The following TMEM132B variants were observed in gnomAD, a reference collection of about 807,000 sequenced individuals.
TMEM132B encodes transmembrane protein 132B.
Under a neutral mutation model 90.8 loss-of-function variants are expected in TMEM132B, and 18 were observed. The ratio of observed to expected loss-of-function variants is 0.20; its 90% CI spans 0.14 to 0.29. The LOEUF (loss-of-function observed/expected upper bound fraction) is 0.29. Ranked by LOEUF, TMEM132B falls within the 10% of genes least tolerant of loss-of-function variation. The pLI, the probability that TMEM132B is intolerant of heterozygous loss-of-function variation, is 1.00. For synonymous variants in TMEM132B, 504 were observed against 523.3 expected (o/e 0.96, Z 0.50); for missense variants, 1,096 against 1,326.8 (o/e 0.83, Z 2.70).
chr12:125,285,365 A>G (rs938274270), intron 1 of TMEM132B, among the ~76,000 whole-genome samples: 2 of 152,226 alleles, frequency 1.3e-5, no homozygotes, highest in African/African-American at 4.8e-5. Flanking sequence ...ACATAGCTAA[A>G]GGAACTACAG....
rs183740088 is a variant in TMEM132B at position 125,574,234 on chromosome 12, T to C, written c.1294-9617T>C. ...ATTCTTCTCTGTAAAGTGAAAGTAATAATAGAAGCAACCTCATTAATTAAT... is the reference window on the plus strand; with the variant it reads ...ATTCTTCTCTGTAAAGTGAAAGTAACAATAGAAGCAACCTCATTAATTAAT... On this transcript the variant is annotated intron_variant, in intron 4 of 8. Transcript: ENST00000682704. Among the ~76,000 whole-genome samples, 6 of 152,082 alleles carry C rather than the reference T, an allele frequency of 3.9e-5. No homozygotes were observed. The East Asian group carries it at 1.2e-3, about 29-fold the overall frequency.
intron 3 of TMEM132B, among the ~76,000 whole-genome samples, chr12:125,440,761 GTTTA>G (rs1282876111): frequency 1.3e-5 from 2 of 152,138 alleles, no homozygotes; most frequent in Non-Finnish European, 2.9e-5. Flanking sequence ...TTTTCTTTCA[GTTTA>G]TTTATTTTTA....
At chr12:125,267,639 G>A (rs779209056) in intron 1 of TMEM132B, among the ~76,000 whole-genome samples, 48 of 152,112 alleles carry the variant, frequency 3.2e-4, no homozygotes, top group Non-Finnish European at 4.7e-4. Context: ...ACTGAAACTC[G>A]CACTCATGGC....
intron 4 of TMEM132B, among the ~76,000 whole-genome samples, chr12:125,564,494 G>A (rs896550643): frequency 1.3e-5 from 2 of 152,150 alleles, no homozygotes; most frequent in African/African-American, 4.8e-5. Context: ...TTTCTCAGAA[G>A]GATGTGCAGG....
At chr12:125,195,716 C>T (rs1326660080) in intron 1 of TMEM132B, among the ~76,000 whole-genome samples, 2 of 151,974 alleles carry the variant, frequency 1.3e-5, no homozygotes, top group Non-Finnish European at 2.9e-5. Context: ...CAGTTTTATA[C>T]AGCAGAGTCA....
intron 1 of TMEM132B, among the ~76,000 whole-genome samples, chr12:125,312,694 A>C (rs572914130): frequency 6.6e-6 from 1 of 152,208 alleles, no homozygotes; most frequent in African/African-American, 2.4e-5. Flanking sequence ...TCTAAAATGT[A>C]CTCACCGTGA....
chr12:125,391,753 A>C (rs919962056), intron 2 of TMEM132B, among the ~76,000 whole-genome samples: 8 of 152,142 alleles, frequency 5.3e-5, no homozygotes, highest in Non-Finnish European at 1.2e-4. Context: ...CCTCCAGTTA[A>C]ATTAAATTAA....
At position 125,653,629 on chromosome 12, in the gene TMEM132B, A is replaced by G. The variant is rs2137055309; in HGVS notation, c.2171A>G (p.Asp724Gly). ...TCGGTGACACCTTTAGACATTTACG[A>G]TCCTAAGGATTATTCTGTTACTGTC... Reference protein sequence around the residue: ...DGSVTPLDIYDPKDYSVTVSS... With the variant: ...DGSVTPLDIYGPKDYSVTVSS... The change falls in exon 9 of 9, where the codon GAT (aspartate) becomes GGT (glycine). Residue 724 changes from aspartate (D) to glycine (G), a missense_variant. Asp to Gly is a moderately conservative substitution (Grantham distance 94). Transcript: ENST00000682704. The G allele has an allele frequency of 6.2e-7, 1 of 1,614,186 alleles. No individual in the cohort carries two copies. The highest frequency in any genetic ancestry group is 8.5e-7 in the Non-Finnish European group (1 of 1,180,034).
At chr12:125,320,755 C>T (rs988416823) in intron 1 of TMEM132B, among the ~76,000 whole-genome samples, 9 of 152,200 alleles carry the variant, frequency 5.9e-5, no homozygotes, top group African/African-American at 1.7e-4. Flanking sequence ...AGGGAAAATG[C>T]ACTGGGGTCA....
chr12:125,542,001 G>T (rs1274835287), intron 4 of TMEM132B, among the ~76,000 whole-genome samples: 1 of 143,784 alleles, frequency 7.0e-6, no homozygotes, highest in Non-Finnish European at 1.5e-5. Context: ...CTTCAGCCTG[G>T]GCGACAGAGC....
chr12:125,539,159 T>C (rs547919921), intron 4 of TMEM132B, among the ~76,000 whole-genome samples: 3 of 152,316 alleles, frequency 2.0e-5, no homozygotes, highest in Admixed American at 6.5e-5. Context: ...TCCCATTGCA[T>C]TGTGAATGAC....
chr12:125,355,628 T>C (rs1877741040), intron 2 of TMEM132B, among the ~76,000 whole-genome samples: 1 of 152,232 alleles, frequency 6.6e-6, no homozygotes, highest in African/African-American at 2.4e-5. Flanking sequence ...TAAGATACTT[T>C]TCTTAGGCCT....
At chr12:125,236,114 C>G (rs1478009142) in intron 1 of TMEM132B, among the ~76,000 whole-genome samples, 3 of 150,522 alleles carry the variant, frequency 2.0e-5, no homozygotes, top group Non-Finnish European at 4.4e-5. Flanking sequence ...GCACTTCATT[C>G]CTTTTAATAG....
chr12:125,601,839 A>G (rs1593015496), intron 5 of TMEM132B, among the ~76,000 whole-genome samples: 1 of 152,250 alleles, frequency 6.6e-6, no homozygotes, highest in Non-Finnish European at 1.5e-5. Flanking sequence ...AAACACTTCT[A>G]TGCAAATAAA....
At chr12:125,576,111 G>A (rs1016318599) in intron 4 of TMEM132B, among the ~76,000 whole-genome samples, 18 of 151,934 alleles carry the variant, frequency 1.2e-4, no homozygotes, top group Non-Finnish European at 1.9e-4. Context: ...ATCTATGAAC[G>A]TAGGATACAT....
intron 4 of TMEM132B, among the ~76,000 whole-genome samples, chr12:125,570,151 C>T (rs1223226093): frequency 6.6e-6 from 1 of 152,194 alleles, no homozygotes; most frequent in African/African-American, 2.4e-5. Context: ...AAACCTGGTC[C>T]TTGTCCCCAA....
intron 4 of TMEM132B, among the ~76,000 whole-genome samples, chr12:125,571,446 G>T (rs1019170006): frequency 3.9e-5 from 6 of 152,116 alleles, no homozygotes; most frequent in African/African-American, 1.4e-4. Flanking sequence ...GTAGTTTATT[G>T]TTATAAATAT....
At chr12:125,229,380 C>G (rs1206620199) in intron 1 of TMEM132B, among the ~76,000 whole-genome samples, 9 of 152,178 alleles carry the variant, frequency 5.9e-5, no homozygotes, top group Admixed American at 5.2e-4. Context: ...GCGGTGAGTC[C>G]TGGCCTCGAA....
intron 8 of TMEM132B, 143 bp downstream of exon 8, chr12:125,652,775 CTG>C: frequency 1.0e-6 from 1 of 973,022 alleles, no homozygotes; most frequent in East Asian, 2.8e-5. Context: ...CCAGGCCACC[CTG>C]TCTCTGAGAA....
Sources: allele counts gnomAD v4.1 joint callset (sites outside exome capture counted in the v4.1 genomes callset), GRCh38; gene constraint gnomAD v4.1.1; transcripts MANE v1.5; gene names NCBI Gene and HGNC (gene_info 2026-07-23, HGNC 2026-07-21).